The following PLEKHA3 variants were observed in gnomAD, a reference collection of about 807,000 sequenced individuals.
PLEKHA3 encodes pleckstrin homology domain containing A3, also known as pleckstrin homology domain-containing family A member 3.
In PLEKHA3, 19 loss-of-function variants were observed where a neutral mutation model predicts 39.2. That is an observed-to-expected ratio of 0.48 (90% confidence interval 0.34 to 0.71). The LOEUF is 0.71. Ranked by LOEUF, PLEKHA3 falls within the 30% of genes least tolerant of loss-of-function variation. The probability of loss-of-function intolerance (pLI) is 0.01; values close to 1 mark genes in which losing one functional copy is unlikely to be tolerated. For synonymous variants in PLEKHA3, 97 were observed against 118.6 expected (o/e 0.82, Z 1.18); for missense variants, 253 against 359.5 (o/e 0.70, Z 2.40).
At position 178,507,913 on chromosome 2, in the gene PLEKHA3, T is replaced by C. The variant is rs1685628949; in HGVS notation, c.*4026T>C. ...CGTTCCTTTACCTGGGATCTGTTTT[T>C]ACACTCTGTAAGCTTTTAGGAACTT... is the stretch of plus-strand genomic sequence containing the variant. On this transcript the variant is annotated 3_prime_UTR_variant, in exon 8 of 8. Coordinates refer to ENST00000234453, the MANE Select transcript of PLEKHA3 (RefSeq NM_019091.4). The C allele has an allele frequency of 6.5e-6, 1 of 153,566 alleles. No homozygotes were observed. Among genetic ancestry groups the C allele is most frequent in the Non-Finnish European group, 1.5e-5 (1 of 68,008 alleles). The allele number at this position is 153,566 out of a possible 1,614,324, so 9.5% of individuals were successfully genotyped here. A position where few individuals can be genotyped will look rare whatever the true frequency, so the allele number is the denominator to read the frequency against.
rs1685745617 is a variant in PLEKHA3, at chr2:178,515,265, T to C, written c.*11378T>C. 6.6e-6 allele frequency: 1 copy of C among 152,036 alleles called. No individual in the cohort carries two copies. The highest frequency in any genetic ancestry group is 1.5e-5 in the Non-Finnish European group (1 of 68,012). The allele number at this position is 152,036 out of a possible 1,614,324, so 9.4% of individuals were successfully genotyped here. A position where few individuals can be genotyped will look rare whatever the true frequency, so the allele number is the denominator to read the frequency against. ...CTGTGTGAGTTTTCTTGCCCTCTGG[T>C]TTTCAGAATTCTGTGTAGTTTCTCA... On this transcript the variant is annotated 3_prime_UTR_variant, in exon 8 of 8. Transcript: ENST00000234453.
rs1685495096 is a variant in PLEKHA3 at position 178,499,352 on chromosome 2, T to C, written c.659+98T>C. On this transcript the variant is annotated intron_variant, in intron 6 of 7. Coordinates refer to ENST00000234453, the MANE Select transcript of PLEKHA3 (RefSeq NM_019091.4). ...CAAGTGGTGTGGAATGTAAACTCTG[T>C]ATGGGTTAGGTCTGGTTCAAAACCA... 6 of 1,224,520 alleles carry C rather than the reference T, an allele frequency of 4.9e-6. No individual in the cohort carries two copies. In the South Asian group the frequency reaches 5.5e-5, roughly 11 times the overall value. The allele number at this position is 1,224,520 out of a possible 1,614,324, so 75.9% of individuals were successfully genotyped here.
chr2:178,495,999 C>T (rs1461237529), intron 5 of PLEKHA3, among the ~76,000 whole-genome samples: 1 of 151,992 alleles, frequency 6.6e-6, no homozygotes, highest in Non-Finnish European at 1.5e-5. Flanking sequence ...AAGAATTACA[C>T]AATGGAATGA....
intron 4 of PLEKHA3, 73 bp from the exon 5 acceptor site, chr2:178,495,423 T>G: frequency 1.4e-6 from 2 of 1,387,788 alleles, no homozygotes; most frequent in Non-Finnish European, 2.0e-6. Context: ...TGTCTTATTA[T>G]TTAATGATAA....
chr2:178,491,844 G>A (rs1227313329), intron 3 of PLEKHA3, among the ~76,000 whole-genome samples: 2 of 152,120 alleles, frequency 1.3e-5, no homozygotes, highest in Non-Finnish European at 2.9e-5. Flanking sequence ...CTGCATCATA[G>A]CATGGCGGAG....
At chr2:178,489,211 T>C (rs1685304800) in intron 2 of PLEKHA3, among the ~76,000 whole-genome samples, 1 of 152,178 alleles carries the variant, frequency 6.6e-6, no homozygotes, top group Non-Finnish European at 1.5e-5. Flanking sequence ...TCATAATTGA[T>C]TGTTGCATGG....
At chr2:178,502,418 A>T in intron 7 of PLEKHA3, 1 of 414,568 alleles carries the variant, frequency 2.4e-6, no homozygotes. Flanking sequence ...CAAGACCTGG[A>T]AGAGAAGAGG....
In PLEKHA3 at chr2:178,501,156, T is replaced by C. The variant is rs367872846; in HGVS notation, c.755T>C (p.Ile252Thr). ...TCAGATACAGATTCTTGTAGTGATA[T>C]TCCTCTTGAAGACCCAGATAGTAAG... is the stretch of plus-strand genomic sequence containing the variant. ...TYSDTDSCSD[I>T]PLEDPDRPVH... Residue 252 changes from isoleucine to threonine, a missense_variant, in exon 7 of 8, where the codon ATT (isoleucine) becomes ACT (threonine). Coordinates refer to ENST00000234453, the MANE Select transcript of PLEKHA3 (RefSeq NM_019091.4). 17 of 1,612,422 alleles carry C rather than the reference T, an allele frequency of 1.1e-5. No homozygotes were observed. The highest frequency in any genetic ancestry group is 1.4e-5 in the Non-Finnish European group (16 of 1,178,980).
chr2:178,512,763 C>T lies in PLEKHA3; in HGVS notation c.*8876C>T, dbSNP rs1274021123. The T allele has an allele frequency of 6.5e-6, 1 of 153,756 alleles. No homozygotes were observed. Among genetic ancestry groups the T allele is most frequent in the Non-Finnish European group, 1.5e-5 (1 of 68,032 alleles). The allele number at this position is 153,756 out of a possible 1,614,324, so 9.5% of individuals were successfully genotyped here. On this transcript the variant is annotated 3_prime_UTR_variant, in exon 8 of 8. Coordinates refer to ENST00000234453, the MANE Select transcript of PLEKHA3 (RefSeq NM_019091.4). ...CCGCTCAGTGCTGCCATCTTTTTCT[C>T]CCAGCACTCTGGACTTAAAATTCTG... is the stretch of plus-strand genomic sequence containing the variant.
Position 178,503,626 on chromosome 2 carries a change from A to C in PLEKHA3, c.776-134A>C. ...AAGTTAAGTTTTCCTGCATGAAACA[A>C]ACAAGGAAATACAAAATTAGCCAGA... On this transcript the variant is annotated intron_variant, in intron 7 of 7. Transcript: ENST00000234453. 3.3e-6 allele frequency: 3 copies of C among 912,168 alleles called. No homozygotes were observed. In the South Asian group the frequency reaches 6.0e-5, roughly 18 times the overall value. 56.5% of individuals were successfully genotyped at this position (912,168 alleles called of 1,614,324 possible).
intron 1 of PLEKHA3, 149 bp from the exon 2 acceptor site, chr2:178,485,491 TG>T: frequency 1.6e-6 from 1 of 631,844 alleles, no homozygotes; most frequent in Middle Eastern, 4.5e-4. Context: ...AAAACATTTT[TG>T]GTAAGGCTTG....
Position 178,507,969 on chromosome 2 carries a change from G to A in PLEKHA3, c.*4082G>A, listed in dbSNP as rs554245755. 1.3e-5 allele frequency: 2 copies of A among 153,238 alleles called. No homozygotes were observed. The highest frequency in any genetic ancestry group is 4.8e-5 in the African/African-American group (2 of 41,366). 9.5% of individuals were successfully genotyped at this position (153,238 alleles called of 1,614,324 possible). A position where few individuals can be genotyped will look rare whatever the true frequency, so the allele number is the denominator to read the frequency against. ...TACTTCTGATGTTTCATAATAATAT[G>A]TGGGTCTTTATTCATTCATCTTGAT... On this transcript the variant is annotated 3_prime_UTR_variant, in exon 8 of 8. Coordinates refer to ENST00000234453, the MANE Select transcript of PLEKHA3 (RefSeq NM_019091.4).
chr2:178,482,840 CTT>C (rs1685193001), intron 1 of PLEKHA3, among the ~76,000 whole-genome samples: 1 of 152,072 alleles, frequency 6.6e-6, no homozygotes, highest in Non-Finnish European at 1.5e-5. Context: ...GAAAAGAAAT[CTT>C]TTGTTTGGAA....
chr2:178,497,860 G>A (rs868531068), intron 5 of PLEKHA3, among the ~76,000 whole-genome samples: 6 of 151,848 alleles, frequency 4.0e-5, no homozygotes, highest in Middle Eastern at 3.2e-3. Context: ...AAGTCAATGC[G>A]TATTTTACAT....
In PLEKHA3 at chr2:178,514,070, C is replaced by A. The variant is rs1212489778; in HGVS notation, c.*10183C>A. ...ATCTTGGGGAGGCTTTAGAACACAGCTCTCATTTAGCTTATTATTGATTTT... is the reference window on the plus strand; with the variant it reads ...ATCTTGGGGAGGCTTTAGAACACAGATCTCATTTAGCTTATTATTGATTTT... On this transcript the variant is annotated 3_prime_UTR_variant, in exon 8 of 8. Transcript: ENST00000234453. 6.6e-6 allele frequency: 1 copy of A among 151,192 alleles called. No homozygotes were observed. Among genetic ancestry groups the A allele is most frequent in the Non-Finnish European group, 1.5e-5 (1 of 67,862 alleles). The allele number at this position is 151,192 out of a possible 1,614,324, so 9.4% of individuals were successfully genotyped here.
chr2:178,502,435 G>A (rs1257308075), intron 7 of PLEKHA3: 1 of 396,228 alleles, frequency 2.5e-6, no homozygotes, highest in Non-Finnish European at 5.0e-6. Flanking sequence ...GAGGAGGAGA[G>A]GAGGAGGGTT....
In PLEKHA3 at chr2:178,508,616, T is replaced by C. The variant is rs556677289; in HGVS notation, c.*4729T>C. ...CATCAGGTAGAGTTGGCCTTTTCTG[T>C]TGAGGTCCCCTAAATTTCAGTGGAG... is the stretch of plus-strand genomic sequence containing the variant. On this transcript the variant is annotated 3_prime_UTR_variant, in exon 8 of 8. Transcript: ENST00000234453. 2 of 153,886 alleles carry C rather than the reference T, an allele frequency of 1.3e-5. No homozygotes were observed. The highest frequency in any genetic ancestry group is 4.1e-4 in the South Asian group (2 of 4,826). The allele number at this position is 153,886 out of a possible 1,614,324, so 9.5% of individuals were successfully genotyped here. A position where few individuals can be genotyped will look rare whatever the true frequency, so the allele number is the denominator to read the frequency against.
chr2:178,482,552 C>CAAAAA (rs557529546), intron 1 of PLEKHA3, among the ~76,000 whole-genome samples: 1 of 89,440 alleles, frequency 1.1e-5, no homozygotes, highest in Non-Finnish European at 2.6e-5. Context: ...GATCCTGTCT[C>CAAAAA]AAAAAAAAAA....
chr2:178,481,256 C>G (rs1379289624), intron 1 of PLEKHA3, among the ~76,000 whole-genome samples: 1 of 152,212 alleles, frequency 6.6e-6, no homozygotes, highest in Non-Finnish European at 1.5e-5. Context: ...TTGTTAATAA[C>G]TGAGTTGTCG....
Sources: allele counts gnomAD v4.1 joint callset (sites outside exome capture counted in the v4.1 genomes callset), GRCh38; gene constraint gnomAD v4.1.1; transcripts MANE v1.5; gene names NCBI Gene and HGNC (gene_info 2026-07-23, HGNC 2026-07-21).